The following FAM184B variants were observed in gnomAD, a reference collection of about 807,000 sequenced individuals.
The protein encoded by FAM184B is family with sequence similarity 184 member B.
FAM184B carries 111 observed loss-of-function variants against 135.9 expected under a neutral mutation model. That is an observed-to-expected ratio of 0.82 (90% CI 0.70 to 0.96). The LOEUF (loss-of-function observed/expected upper bound fraction) is 0.96. Ranked by LOEUF, FAM184B falls within the 40% of genes least tolerant of loss-of-function variation. The pLI is 0.00. For synonymous variants in FAM184B, 552 were observed against 524.8 expected, an observed-to-expected ratio of 1.05 and a Z score of -0.71; for missense variants, 1,375 against 1,323.9, an observed-to-expected ratio of 1.04 and a Z score of -0.60.
intron 11 of FAM184B, among the ~76,000 whole-genome samples, chr4:17,651,453 G>C (rs1715612480): frequency 6.8e-6 from 1 of 147,266 alleles, no homozygotes; most frequent in Admixed American, 6.9e-5. Flanking sequence ...CAGGAGAATG[G>C]TGTGAACCCA....
chr4:17,708,417 G>A (rs1717163937), intron 2 of FAM184B, among the ~76,000 whole-genome samples: 1 of 151,756 alleles, frequency 6.6e-6, no homozygotes, highest in African/African-American at 2.4e-5. Flanking sequence ...GGCTGAAGCA[G>A]GCGGATCACC....
intron 1 of FAM184B, among the ~76,000 whole-genome samples, chr4:17,768,603 T>C (rs1718747771): frequency 6.6e-6 from 1 of 151,860 alleles, no homozygotes; most frequent in Non-Finnish European, 1.5e-5. Flanking sequence ...TTTAAAATAA[T>C]ATTGTGTATG....
intron 1 of FAM184B, among the ~76,000 whole-genome samples, chr4:17,742,074 A>G (rs984241317): frequency 2.0e-5 from 3 of 151,318 alleles, no homozygotes; most frequent in Non-Finnish European, 2.9e-5. Context: ...AAATTTACCA[A>G]GAGGGTAGCT....
chr4:17,665,952 T>C (rs572921039), intron 7 of FAM184B, among the ~76,000 whole-genome samples: 1 of 149,688 alleles, frequency 6.7e-6, no homozygotes, highest in Admixed American at 6.7e-5. Flanking sequence ...CCTCTCCTGC[T>C]TCTCAAACTA....
intron 1 of FAM184B, among the ~76,000 whole-genome samples, chr4:17,753,840 G>A (rs1214919761): frequency 1.3e-5 from 2 of 152,192 alleles, no homozygotes; most frequent in East Asian, 3.9e-4. Context: ...ATATACCACA[G>A]GGAAAGGGTA....
chr4:17,642,315 G>A lies in FAM184B; in HGVS notation c.2347-87C>T. The stretch of plus-strand genomic sequence containing the variant: ...GCCAGAGATGTGCTGCGGCGAGATG[G>A]AGACCCACTGGCACCCCGCCCAGGC... On this transcript the variant is annotated intron_variant, in intron 12 of 17. Coordinates refer to ENST00000265018, the MANE Select transcript of FAM184B (RefSeq NM_015688.2). 4 of 1,381,742 alleles carry A rather than the reference G, an allele frequency of 2.9e-6. No individual in the cohort carries two copies. In the East Asian group the frequency reaches 9.0e-5, roughly 31 times the overall value. 85.6% of individuals were successfully genotyped at this position (1,381,742 alleles called of 1,614,324 possible). A position where few individuals can be genotyped will look rare whatever the true frequency, so the allele number is the denominator to read the frequency against.
intron 1 of FAM184B, among the ~76,000 whole-genome samples, chr4:17,721,044 CAA>C (rs949784291): frequency 6.6e-6 from 1 of 151,844 alleles, no homozygotes; most frequent in African/African-American, 2.4e-5. Context: ...ACCAGATCCC[CAA>C]AGAGTGGCTG....
chr4:17,635,259 T>C, intron 15 of FAM184B, 146 bp from the exon 16 acceptor site: 1 of 604,540 alleles, frequency 1.7e-6, no homozygotes. Context: ...TGCCAGGCAC[T>C]GAAGCTTTTG....
At chr4:17,647,254 T>C (rs1490106776) in intron 12 of FAM184B, among the ~76,000 whole-genome samples, 1 of 15,218 alleles carries the variant, frequency 6.6e-5, no homozygotes, top group East Asian at 0.023. Flanking sequence ...GCCCATCCCT[T>C]TTTTTTTTTT....
At chr4:17,651,994 G>A (rs1715630496) in intron 11 of FAM184B, among the ~76,000 whole-genome samples, 1 of 152,140 alleles carries the variant, frequency 6.6e-6, no homozygotes, top group South Asian at 2.1e-4. Context: ...GAAATGAGAG[G>A]TTGAGGCAAT....
At chr4:17,651,984 G>A (rs78980742) in intron 11 of FAM184B, among the ~76,000 whole-genome samples, 3,478 of 152,224 alleles carry the variant, frequency 0.023, 124 homozygotes, top group African/African-American at 0.079. Context: ...CTTCAGAACA[G>A]AAATGAGAGG....
chr4:17,697,808 A>G (rs547155176), intron 5 of FAM184B, among the ~76,000 whole-genome samples: 1 of 152,344 alleles, frequency 6.6e-6, no homozygotes, highest in South Asian at 2.1e-4. Flanking sequence ...GCAGTCTACA[A>G]GTGATTAATC....
rs78064892 is a variant in FAM184B, at chr4:17,680,272, G to A, written c.1596+8152C>T. Among the ~76,000 whole-genome samples, 349 of 152,148 alleles carry A rather than the reference G, an allele frequency of 2.3e-3. 13 individuals carry two copies. The East Asian group carries it at 0.061, about 26-fold the overall frequency. Reference sequence around the variant, plus strand: ...AATTATATTTAAGTTTTGTTATTTTGAAAGCTTTTTCACAGATCTTTTTCA... The same window carrying A: ...AATTATATTTAAGTTTTGTTATTTTAAAAGCTTTTTCACAGATCTTTTTCA... On this transcript the variant is annotated intron_variant, in intron 7 of 17. Transcript: ENST00000265018.
intron 1 of FAM184B, among the ~76,000 whole-genome samples, chr4:17,780,200 C>CA (rs1368420032): frequency 1.3e-5 from 2 of 151,854 alleles, no homozygotes; most frequent in Admixed American, 6.6e-5. Flanking sequence ...TGTGATCCCA[C>CA]AAAAAAATGT....
chr4:17,753,624 G>C (rs189598152), intron 1 of FAM184B, among the ~76,000 whole-genome samples: 1 of 152,314 alleles, frequency 6.6e-6, no homozygotes, highest in Admixed American at 6.5e-5. Context: ...TAGGGTAAAA[G>C]TATGTGGTTC....
intron 1 of FAM184B, among the ~76,000 whole-genome samples, chr4:17,735,379 A>C (rs1717884420): frequency 6.6e-6 from 1 of 152,188 alleles, no homozygotes; most frequent in South Asian, 2.1e-4. Flanking sequence ...GATTATAAAA[A>C]AAATTTTCAT....
intron 7 of FAM184B, among the ~76,000 whole-genome samples, chr4:17,672,298 C>T (rs77409430): frequency 1.3e-5 from 2 of 152,022 alleles, no homozygotes; most frequent in East Asian, 3.9e-4. Context: ...CTGGGAAAAC[C>T]CTCCTTCAAA....
chr4:17,694,828 A>G (rs1270016843), intron 5 of FAM184B, among the ~76,000 whole-genome samples: 1 of 152,190 alleles, frequency 6.6e-6, no homozygotes, highest in East Asian at 1.9e-4. Flanking sequence ...ACTAGGTTGG[A>G]TGGAGAAATA....
chr4:17,752,695 A>G (rs1374576011), intron 1 of FAM184B, among the ~76,000 whole-genome samples: 1 of 152,188 alleles, frequency 6.6e-6, no homozygotes, highest in Non-Finnish European at 1.5e-5. Context: ...TATCTTTTAA[A>G]AAGACACAAA....
Sources: gnomAD v4.1 joint callset for allele counts (sites outside exome capture counted in the v4.1 genomes callset) on GRCh38, gnomAD v4.1.1 for gene constraint, MANE v1.5 for transcripts, NCBI Gene and HGNC (gene_info 2026-07-23, HGNC 2026-07-21) for gene names.